The following CRKL variants were observed in gnomAD, a reference collection of about 807,000 sequenced individuals.
CRKL encodes CRK like proto-oncogene, adaptor protein.
A neutral mutation model predicts 23.0 loss-of-function variants in CRKL; 3 were observed. The observed-to-expected ratio is 0.13, with a 90% CI of 0.06 to 0.34. The LOEUF (loss-of-function observed/expected upper bound fraction) is 0.34. Ranked by LOEUF, CRKL falls within the 10% of genes least tolerant of loss-of-function variation. The pLI is 1.00. For missense variants in CRKL, 256 were observed against 394.5 expected, an observed-to-expected ratio of 0.65 and a Z score of 2.97; for synonymous variants, 188 against 160.7, an observed-to-expected ratio of 1.17 and a Z score of -1.28.
In CRKL at chr22:20,918,430, GTT is replaced by G. The variant is rs5844449; in HGVS notation, c.311+196_311+197del. Among the ~76,000 whole-genome samples the G allele has an allele frequency of 3.0e-3, 447 of 148,294 alleles. 2 individuals carry two copies. Among genetic ancestry groups the G allele is most frequent in the African/African-American group, 6.5e-3 (263 of 40,514 alleles). On this transcript the variant is annotated intron_variant, in intron 1 of 2. Transcript: ENST00000354336. The stretch of plus-strand genomic sequence containing the variant: ...TCTGGGTCACTGGATAAGAGGATGC[GTT>G]TTTTTTTTTTCCCTCTCACGAGGCT...
At position 20,949,968 on chromosome 22, in the gene CRKL, C is replaced by T; in HGVS notation, c.*123C>T. ...TTGCCGAAGTCCAGCTTTCTGCAGA[C>T]TGGCAGTCGCACACACATTTGGAAT... is the stretch of plus-strand genomic sequence containing the variant. On this transcript the variant is annotated 3_prime_UTR_variant, in exon 3 of 3. Transcript: ENST00000354336. The T allele has an allele frequency of 7.7e-7, 1 of 1,292,472 alleles. No homozygotes were observed. 80.1% of individuals were successfully genotyped at this position (1,292,472 alleles called of 1,614,324 possible).
chr22:20,918,291 G>C (rs754393452), intron 1 of CRKL, 46 bp downstream of exon 1: 1 of 1,592,712 alleles, frequency 6.3e-7, no homozygotes, highest in Non-Finnish European at 8.5e-7. Flanking sequence ...CGAGAACCGG[G>C]TCTGTCGAAG....
chr22:20,931,716 C>G (rs1776225454), intron 1 of CRKL, among the ~76,000 whole-genome samples: 1 of 152,220 alleles, frequency 6.6e-6, no homozygotes, highest in African/African-American at 2.4e-5. Flanking sequence ...CTTCAAAGAT[C>G]GTAAACCATG....
chr22:20,933,390 G>A (rs1471919015), intron 1 of CRKL, among the ~76,000 whole-genome samples: 4 of 150,876 alleles, frequency 2.7e-5, no homozygotes, highest in African/African-American at 9.8e-5. Flanking sequence ...GTAGAGGCCG[G>A]GCATGGTGGC....
intron 2 of CRKL, among the ~76,000 whole-genome samples, chr22:20,934,661 T>A (rs770338169): frequency 1.1e-4 from 16 of 152,152 alleles, no homozygotes; most frequent in Non-Finnish European, 2.4e-4. Context: ...TTGGTTTTTC[T>A]TCCAGTAAGG....
intron 1 of CRKL, among the ~76,000 whole-genome samples, chr22:20,931,210 A>G (rs1234271350): frequency 6.6e-6 from 1 of 152,126 alleles, no homozygotes; most frequent in Non-Finnish European, 1.5e-5. Flanking sequence ...GTTCAAGACA[A>G]GCCCTGAAAA....
rs556662389 is a variant in CRKL, at chr22:20,953,244, C to T, written c.*3399C>T. 50 of 231,804 alleles carry T rather than the reference C, an allele frequency of 2.2e-4. 1 individual carries two copies. In the East Asian group the frequency reaches 3.0e-3, roughly 14 times the overall value. The allele number at this position is 231,804 out of a possible 1,614,324, so 14.4% of individuals were successfully genotyped here. Reference sequence around the variant, plus strand: ...TGCTTTCTGTGGACACCACTGAGCTCTGCCTCAACTCCACCCTCTGCGACC... The same window carrying T: ...TGCTTTCTGTGGACACCACTGAGCTTTGCCTCAACTCCACCCTCTGCGACC... On this transcript the variant is annotated 3_prime_UTR_variant, in exon 3 of 3. Transcript: ENST00000354336.
intron 1 of CRKL, among the ~76,000 whole-genome samples, chr22:20,920,394 C>T (rs1438838850): frequency 6.6e-6 from 1 of 151,690 alleles, no homozygotes; most frequent in South Asian, 2.1e-4. Context: ...CCCAGCTACT[C>T]GGGAGGCTGA....
intron 2 of CRKL, among the ~76,000 whole-genome samples, chr22:20,936,488 A>G (rs1921664048): frequency 6.6e-6 from 1 of 152,040 alleles, no homozygotes. Flanking sequence ...AGCTGGGATT[A>G]CAGGCATGTG....
chr22:20,927,865 AAGG>A (rs1921287739), intron 1 of CRKL, among the ~76,000 whole-genome samples: 1 of 150,068 alleles, frequency 6.7e-6, no homozygotes, highest in Admixed American at 6.7e-5. Context: ...AAAAAAAAAA[AAGG>A]AAAAAGAGTA....
chr22:20,944,933 T>C (rs1392832016), intron 2 of CRKL, among the ~76,000 whole-genome samples: 4 of 60,116 alleles, frequency 6.7e-5, no homozygotes, highest in South Asian at 1.4e-3. Flanking sequence ...CCCAGCATGA[T>C]CTTGGCGCCT....
At position 20,935,522 on chromosome 22, in the gene CRKL, C is replaced by CTT. The variant is rs11463804; in HGVS notation, c.777+1291_777+1292dup. ...TTTAATTACCAAGTCATTTTCTTTT[C>CTT]TTTTTTTTTTTTTTGAGACAGAGTC... On this transcript the variant is annotated intron_variant, in intron 2 of 2. Transcript: ENST00000354336. Among the ~76,000 whole-genome samples, 1,278 of 143,142 alleles carry CTT rather than the reference C, an allele frequency of 8.9e-3. 15 individuals are homozygous for CTT. The highest frequency in any genetic ancestry group is 0.023 in the East Asian group (110 of 4,882). The allele number at this position is 143,142 out of a possible 152,430, so 93.9% of individuals were successfully genotyped here.
At chr22:20,933,178 G>A (rs1336567424) in intron 1 of CRKL, among the ~76,000 whole-genome samples, 2 of 151,686 alleles carry the variant, frequency 1.3e-5, no homozygotes, top group Non-Finnish European at 2.9e-5. Flanking sequence ...AGACCATCCT[G>A]GCTAACAAGG....
chr22:20,931,837 A>G (rs996283657), intron 1 of CRKL, among the ~76,000 whole-genome samples: 4 of 151,906 alleles, frequency 2.6e-5, no homozygotes, highest in African/African-American at 4.8e-5. Flanking sequence ...TTTGAGACGG[A>G]GTCTCGCTCT....
chr22:20,941,538 ATGTGTGTGTGTG>A (rs1187984983), intron 2 of CRKL, among the ~76,000 whole-genome samples: 771 of 50,396 alleles, frequency 0.015, 79 homozygotes, highest in East Asian at 0.074. Flanking sequence ...TATATATTTT[ATGTGTGTGTGTG>A]TGTGTGTGTG....
In CRKL at chr22:20,949,990, G is replaced by C. The variant is rs1922206115; in HGVS notation, c.*145G>C. The C allele has an allele frequency of 1.8e-6, 2 of 1,082,550 alleles. No individual in the cohort carries two copies. The highest frequency in any genetic ancestry group is 1.7e-5 in the South Asian group (1 of 59,102). The allele number at this position is 1,082,550 out of a possible 1,614,324, so 67.1% of individuals were successfully genotyped here. A position where few individuals can be genotyped will look rare whatever the true frequency, so the allele number is the denominator to read the frequency against. Reference sequence around the variant, plus strand: ...AGACTGGCAGTCGCACACACATTTGGAATGCACACAGCGGCTGCCTCCTGA... The same window carrying C: ...AGACTGGCAGTCGCACACACATTTGCAATGCACACAGCGGCTGCCTCCTGA... On this transcript the variant is annotated 3_prime_UTR_variant, in exon 3 of 3. Coordinates refer to ENST00000354336, the MANE Select transcript of CRKL (RefSeq NM_005207.4).
chr22:20,942,496 C>T (rs560890836), intron 2 of CRKL, among the ~76,000 whole-genome samples: 1 of 152,112 alleles, frequency 6.6e-6, no homozygotes, highest in Admixed American at 6.5e-5. Context: ...GAGTTGTTTT[C>T]GTTATTTTGG....
At chr22:20,943,080 G>A (rs1921935838) in intron 2 of CRKL, among the ~76,000 whole-genome samples, 1 of 152,084 alleles carries the variant, frequency 6.6e-6, no homozygotes, top group African/African-American at 2.4e-5. Context: ...ATCCTAGTAG[G>A]TGTGAAGTGG....
intron 1 of CRKL, among the ~76,000 whole-genome samples, chr22:20,919,441 AT>A (rs1216741479): frequency 1.3e-5 from 2 of 152,156 alleles, no homozygotes; most frequent in Non-Finnish European, 2.9e-5. Context: ...ATGATTTTGT[AT>A]TTCTTATTTT....
Sources: gnomAD v4.1 joint callset for allele counts (sites outside exome capture counted in the v4.1 genomes callset) on GRCh38, gnomAD v4.1.1 for gene constraint, MANE v1.5 for transcripts, NCBI Gene and HGNC (gene_info 2026-07-23, HGNC 2026-07-21) for gene names.